The following COL23A1 variants were observed in gnomAD, a reference collection of about 807,000 sequenced individuals.
COL23A1 encodes the protein collagen type XXIII alpha 1 chain.
COL23A1 carries 97 observed loss-of-function variants against 99.3 expected under a neutral mutation model. The ratio of observed to expected loss-of-function variants is 0.98; its 90% CI spans 0.83 to 1.16. The LOEUF (loss-of-function observed/expected upper bound fraction) is 1.16, where lower values mean the gene tolerates loss of function less well. Ranked by LOEUF, COL23A1 falls within the 50% of genes most tolerant of loss-of-function variation. COL23A1 has a pLI of 0.00. For synonymous variants in COL23A1, 320 were observed against 308.2 expected, an observed-to-expected ratio of 1.04 and a Z score of -0.40; for missense variants, 762 against 757.4, an observed-to-expected ratio of 1.01 and a Z score of -0.07.
chr5:178,337,235 G>A (rs989471062), intron 2 of COL23A1, among the ~76,000 whole-genome samples: 5 of 152,250 alleles, frequency 3.3e-5, no homozygotes, highest in African/African-American at 1.2e-4. Context: ...ACTTGCTGGA[G>A]CGCAGAGACC....
intron 2 of COL23A1, among the ~76,000 whole-genome samples, chr5:178,533,499 C>T (rs1211813798): frequency 2.6e-5 from 4 of 152,066 alleles, no homozygotes; most frequent in Non-Finnish European, 5.9e-5. Context: ...TAGCATGTGT[C>T]GGAGTTTCTT....
intron 2 of COL23A1, among the ~76,000 whole-genome samples, chr5:178,458,783 C>T (rs1010245794): frequency 1.3e-5 from 2 of 152,290 alleles, no homozygotes; most frequent in East Asian, 1.9e-4. Flanking sequence ...CAGCAGTGAA[C>T]GTCACAAAAA....
In COL23A1 at chr5:178,589,869, C is replaced by G; in HGVS notation, c.294+35G>C. Reference sequence around the variant, plus strand: ...TACCGCCACCCTCAACCCGACACACCCAAGTCCGCCCCAGCCACGCGCCAA... The same window carrying G: ...TACCGCCACCCTCAACCCGACACACGCAAGTCCGCCCCAGCCACGCGCCAA... On this transcript the variant is annotated intron_variant, in intron 1 of 28. Coordinates refer to ENST00000390654, the MANE Select transcript of COL23A1 (RefSeq NM_173465.4). The surrounding 1 kb of genome is among the most constrained non-coding windows in gnomAD (Gnocchi z 5.4). 7.8e-7 allele frequency: 1 copy of G among 1,285,946 alleles called. No homozygotes were observed. The highest frequency in any genetic ancestry group is 9.8e-7 in the Non-Finnish European group (1 of 1,019,798). The allele number at this position is 1,285,946 out of a possible 1,614,324, so 79.7% of individuals were successfully genotyped here.
rs967874864 is a variant in COL23A1, at chr5:178,343,250, C to T, written c.362-36331G>A. Reference sequence around the variant, plus strand: ...AAGCGAAGACTGTTTCCCGCCTCCACCCCCATCAATTAGCTAAGATCCAGA... The same window carrying T: ...AAGCGAAGACTGTTTCCCGCCTCCATCCCCATCAATTAGCTAAGATCCAGA... On this transcript the variant is annotated intron_variant, in intron 2 of 28. Coordinates refer to ENST00000390654, the MANE Select transcript of COL23A1 (RefSeq NM_173465.4). Among the ~76,000 whole-genome samples, 194 of 152,236 alleles carry T rather than the reference C, an allele frequency of 1.3e-3. 1 individual carries two copies. Among genetic ancestry groups the T allele is most frequent in the Non-Finnish European group, 1.1e-3 (77 of 68,020 alleles).
intron 2 of COL23A1, among the ~76,000 whole-genome samples, chr5:178,511,089 G>A (rs73342652): frequency 0.016 from 2,459 of 152,298 alleles, 81 homozygotes; most frequent in African/African-American, 0.056. Flanking sequence ...TTATTGTAAC[G>A]TGGGAGACTG....
At chr5:178,470,806 G>A (rs757120046) in intron 2 of COL23A1, among the ~76,000 whole-genome samples, 3 of 152,084 alleles carry the variant, frequency 2.0e-5, no homozygotes, top group Admixed American at 6.5e-5. Flanking sequence ...GGAGCCCACC[G>A]CCTCCAGGGC....
intron 2 of COL23A1, among the ~76,000 whole-genome samples, chr5:178,467,772 G>A (rs1226325375): frequency 6.6e-6 from 1 of 151,962 alleles, no homozygotes; most frequent in Non-Finnish European, 1.5e-5. Context: ...TATACACTAT[G>A]GTAAACAAAA....
At chr5:178,508,193 G>A (rs1022005848) in intron 2 of COL23A1, among the ~76,000 whole-genome samples, 2 of 152,060 alleles carry the variant, frequency 1.3e-5, no homozygotes, top group Non-Finnish European at 2.9e-5. Context: ...CAGTTCTAAA[G>A]CCCTCATTTT....
intron 2 of COL23A1, among the ~76,000 whole-genome samples, chr5:178,484,599 G>A (rs964952532): frequency 1.5e-4 from 23 of 152,032 alleles, no homozygotes; most frequent in African/African-American, 4.3e-4. Context: ...CGAGGTGGGC[G>A]GATCACGAGG....
In COL23A1 at chr5:178,384,291, C is replaced by T. The variant is rs1029677465; in HGVS notation, c.362-77372G>A. Among the ~76,000 whole-genome samples the T allele has an allele frequency of 6.6e-6, 1 of 152,234 alleles. No homozygotes were observed. Among genetic ancestry groups the T allele is most frequent in the East Asian group, 1.9e-4 (1 of 5,192 alleles). On this transcript the variant is annotated intron_variant, in intron 2 of 28. Transcript: ENST00000390654. The surrounding 1 kb of genome is among the most constrained non-coding windows in gnomAD (Gnocchi z 5.5). Reference sequence around the variant, plus strand: ...CAGGGCAGTTCTCAAAACCTGGATCCGGCGACGGAGGCCCGGCCTGGCCAC... The same window carrying T: ...CAGGGCAGTTCTCAAAACCTGGATCTGGCGACGGAGGCCCGGCCTGGCCAC...
At chr5:178,517,825 G>C (rs1759626484) in intron 2 of COL23A1, among the ~76,000 whole-genome samples, 2 of 146,876 alleles carry the variant, frequency 1.4e-5, no homozygotes, top group Non-Finnish European at 3.0e-5. Flanking sequence ...CTCGCAAAGT[G>C]CTGGGATTAC....
At chr5:178,498,208 A>ATATATATG (rs1758300147) in intron 2 of COL23A1, among the ~76,000 whole-genome samples, 1 of 8,720 alleles carries the variant, frequency 1.1e-4, no homozygotes, top group Non-Finnish European at 1.9e-4. Context: ...TTATTTAAAT[A>ATATATATG]TATATATATA....
rs1174776992 is a variant in COL23A1, at chr5:178,358,683, ATGTG to A, written c.362-51768_362-51765del. On this transcript the variant is annotated intron_variant, in intron 2 of 28. Coordinates refer to ENST00000390654, the MANE Select transcript of COL23A1 (RefSeq NM_173465.4). ...GTGTATGTGTCTAATGTGTATGTGT[ATGTG>A]TGTGTATGTATGTGTATGTGTGTAT... 1.5e-3 allele frequency among the ~76,000 whole-genome samples: 171 copies of A among 117,570 alleles called. 1 individual carries two copies. The highest frequency in any genetic ancestry group is 5.1e-3 in the South Asian group (17 of 3,330). The allele number at this position is 117,570 out of a possible 152,430, so 77.1% of individuals were successfully genotyped here.
At chr5:178,372,268 G>C (rs1762839631) in intron 2 of COL23A1, among the ~76,000 whole-genome samples, 1 of 152,236 alleles carries the variant, frequency 6.6e-6, no homozygotes, top group African/African-American at 2.4e-5. Context: ...GCTCCGATGT[G>C]GCTGGGAGCT....
chr5:178,380,204 G>A (rs536920069), intron 2 of COL23A1, among the ~76,000 whole-genome samples: 42 of 152,316 alleles, frequency 2.8e-4, no homozygotes, highest in African/African-American at 9.6e-4. Context: ...GAAAGTCAAT[G>A]GGTCAATTGC....
intron 2 of COL23A1, among the ~76,000 whole-genome samples, chr5:178,393,242 T>G (rs2973740): frequency 0.34 from 52,308 of 152,100 alleles, 10,240 homozygotes; most frequent in African/African-American, 0.54. Context: ...ACAGCACGGA[T>G]GGACCTTGAG....
intron 2 of COL23A1, among the ~76,000 whole-genome samples, chr5:178,401,533 T>C (rs1168014022): frequency 6.6e-6 from 1 of 152,280 alleles, no homozygotes; most frequent in Non-Finnish European, 1.5e-5. Flanking sequence ...TGCACAAATG[T>C]ACCACAGTTT....
At position 178,307,965 on chromosome 5, in the gene COL23A1, C is replaced by G. The variant is rs1214494400; in HGVS notation, c.362-1046G>C. ...CCACGAAGGAGATGCAGGAGACTGG[C>G]CCCGATCGCGTCTGTGGCAGGATGG... On this transcript the variant is annotated intron_variant, in intron 2 of 28. Coordinates refer to ENST00000390654, the MANE Select transcript of COL23A1 (RefSeq NM_173465.4). The surrounding 1 kb of genome is among the most constrained non-coding windows in gnomAD (Gnocchi z 4.2). Among the ~76,000 whole-genome samples the G allele has an allele frequency of 1.3e-5, 2 of 152,154 alleles. No homozygotes were observed. The highest frequency in any genetic ancestry group is 4.8e-5 in the African/African-American group (2 of 41,434).
intron 1 of COL23A1, among the ~76,000 whole-genome samples, chr5:178,567,276 A>G (rs1762883556): frequency 6.6e-6 from 1 of 152,224 alleles, no homozygotes; most frequent in African/African-American, 2.4e-5. Flanking sequence ...TTGGTCTCTA[A>G]TATCATTCTC....
Sources: allele counts gnomAD v4.1 joint callset (sites outside exome capture counted in the v4.1 genomes callset), GRCh38; gene constraint gnomAD v4.1.1; non-coding constraint Gnocchi (gnomAD v3.1); transcripts MANE v1.5; gene names NCBI Gene and HGNC (gene_info 2026-07-23, HGNC 2026-07-21).